PRKCH: variants seen among roughly 807,000 people sequenced by gnomAD.
PRKCH encodes protein kinase C eta type.
PRKCH carries 28 observed loss-of-function variants against 82.5 expected under a neutral mutation model. The observed-to-expected ratio is 0.34, with a 90% CI of 0.25 to 0.47. PRKCH has a LOEUF of 0.47. PRKCH is among the 20% of genes least tolerant of loss of function. The pLI, the probability that PRKCH is intolerant of heterozygous loss-of-function variation, is 1.00. For synonymous variants in PRKCH, 322 were observed against 327.4 expected, an observed-to-expected ratio of 0.98 and a Z score of 0.18; for missense variants, 705 against 881.8, an observed-to-expected ratio of 0.80 and a Z score of 2.54.
At chr14:61,235,793 T>C (rs1186006747) in intron 1 of PRKCH, among the ~76,000 whole-genome samples, 1 of 152,162 alleles carries the variant, frequency 6.6e-6, no homozygotes. Context: ...AGAATGAGAT[T>C]AGGTTCAGAT....
intron 1 of PRKCH, among the ~76,000 whole-genome samples, chr14:61,302,550 G>A (rs867138129): frequency 6.6e-6 from 1 of 152,148 alleles, no homozygotes; most frequent in African/African-American, 2.4e-5. Flanking sequence ...TAGACCTGCT[G>A]TCTATGGAAC....
chr14:61,309,066 T>G (rs533681849), intron 1 of PRKCH, among the ~76,000 whole-genome samples: 1 of 134,854 alleles, frequency 7.4e-6, no homozygotes, highest in Non-Finnish European at 1.6e-5. Flanking sequence ...GGAGGATCAC[T>G]TAATATCTGG....
At chr14:61,243,220 C>T (rs527465141) in intron 1 of PRKCH, among the ~76,000 whole-genome samples, 1 of 151,492 alleles carries the variant, frequency 6.6e-6, no homozygotes, top group Admixed American at 6.6e-5. Context: ...TATAGCAAAA[C>T]CCCATCTCTA....
At chr14:61,331,949 G>A (rs927214851) in intron 1 of PRKCH, among the ~76,000 whole-genome samples, 19 of 152,282 alleles carry the variant, frequency 1.2e-4, no homozygotes, top group Non-Finnish European at 2.2e-4. Context: ...TTATTTTCTT[G>A]GTTTAGAATC....
At chr14:61,369,512 A>G (rs1201637710) in intron 1 of PRKCH, among the ~76,000 whole-genome samples, 2 of 152,150 alleles carry the variant, frequency 1.3e-5, no homozygotes, top group East Asian at 1.9e-4. Flanking sequence ...CAACTTTAAG[A>G]AAATTTTAAC....
At chr14:61,247,136 T>C (rs532676303) in intron 1 of PRKCH, among the ~76,000 whole-genome samples, 2 of 152,306 alleles carry the variant, frequency 1.3e-5, no homozygotes, top group South Asian at 4.1e-4. Flanking sequence ...ATTCATTGAA[T>C]AATCAATAAT....
At chr14:61,449,894 CTCTCTCTG>C (rs754018024) in intron 5 of PRKCH, among the ~76,000 whole-genome samples, 481 of 24,926 alleles carry the variant, frequency 0.019, 1 homozygote, top group Middle Eastern at 0.067. Flanking sequence ...CTCTCTCTCT[CTCTCTCTG>C]TGTGTGTGTG....
chr14:61,506,898 C>G (rs1887175624), intron 10 of PRKCH, among the ~76,000 whole-genome samples: 1 of 152,148 alleles, frequency 6.6e-6, no homozygotes, highest in Non-Finnish European at 1.5e-5. Context: ...ATCGTCTTCC[C>G]TTGGACACCA....
At chr14:61,340,718 A>T (rs1185719900) in intron 1 of PRKCH, among the ~76,000 whole-genome samples, 2 of 152,206 alleles carry the variant, frequency 1.3e-5, no homozygotes, top group Non-Finnish European at 2.9e-5. Context: ...CTTGCTGGAC[A>T]GACCTGCTTG....
chr14:61,282,959 C>G (rs2045284859), intron 1 of PRKCH, among the ~76,000 whole-genome samples: 1 of 151,988 alleles, frequency 6.6e-6, no homozygotes, highest in Non-Finnish European at 1.5e-5. Flanking sequence ...TGGTTGAGTT[C>G]CACCCACCCG....
At chr14:61,353,031 G>A (rs2046103136) in intron 1 of PRKCH, among the ~76,000 whole-genome samples, 1 of 152,120 alleles carries the variant, frequency 6.6e-6, no homozygotes, top group Non-Finnish European at 1.5e-5. Flanking sequence ...ACACTAAGTG[G>A]GGTAAATAAA....
At chr14:61,525,006 C>A (rs2042948591) in intron 10 of PRKCH, 1 of 152,238 alleles carries the variant, frequency 6.6e-6, no homozygotes, top group African/African-American at 2.4e-5. Context: ...CCAGGGCAGT[C>A]CCATTGGGGT....
At chr14:61,480,842 A>G (rs751170189) in intron 9 of PRKCH, among the ~76,000 whole-genome samples, 1 of 152,170 alleles carries the variant, frequency 6.6e-6, no homozygotes, top group Non-Finnish European at 1.5e-5. Flanking sequence ...AGCGCTTGAC[A>G]ACCTGCCTGC....
chr14:61,525,889 T>G (rs1455614631), intron 10 of PRKCH: 1 of 152,488 alleles, frequency 6.6e-6, no homozygotes, highest in African/African-American at 2.4e-5. Context: ...GCTGGGCTCA[T>G]GGGCTTTGTC....
At chr14:61,355,398 G>C (rs1194153747) in intron 1 of PRKCH, among the ~76,000 whole-genome samples, 1 of 151,230 alleles carries the variant, frequency 6.6e-6, no homozygotes, top group Admixed American at 6.6e-5. Context: ...TCTGATAGCT[G>C]TACCTATTCT....
At chr14:61,443,911 T>C (rs553953015) in intron 3 of PRKCH, among the ~76,000 whole-genome samples, 1 of 152,338 alleles carries the variant, frequency 6.6e-6, no homozygotes, top group South Asian at 2.1e-4. Context: ...AAATTAAGCA[T>C]ACTTATTTGG....
chr14:61,546,419 A>G (rs1402588172), intron 12 of PRKCH, among the ~76,000 whole-genome samples: 1 of 152,236 alleles, frequency 6.6e-6, no homozygotes, highest in African/African-American at 2.4e-5. Flanking sequence ...AAACCCTGTC[A>G]GTATATTCAT....
At chr14:61,361,446 A>G (rs2046223545) in intron 1 of PRKCH, among the ~76,000 whole-genome samples, 1 of 152,192 alleles carries the variant, frequency 6.6e-6, no homozygotes, top group Non-Finnish European at 1.5e-5. Context: ...TGCTAGTGAA[A>G]CCTTTTATTT....
At chr14:61,315,969 A>G (rs1463749341) in intron 1 of PRKCH, among the ~76,000 whole-genome samples, 1 of 152,058 alleles carries the variant, frequency 6.6e-6, no homozygotes, top group Admixed American at 6.6e-5. Context: ...GCTGGTCTCG[A>G]ACTCCTGACC....
Sources: allele counts gnomAD v4.1 joint callset (sites outside exome capture counted in the v4.1 genomes callset), GRCh38; gene constraint gnomAD v4.1.1; transcripts MANE v1.5; gene names NCBI Gene and HGNC (gene_info 2026-07-23, HGNC 2026-07-21).